Variants in CFAP65 observed in about 807,000 individuals in gnomAD.
CFAP65 encodes the protein cilia and flagella associated protein 65, also known as cilia- and flagella-associated protein 65.
Under a neutral mutation model 208.0 loss-of-function variants are expected in CFAP65, and 155 were observed. The ratio of observed to expected loss-of-function variants is 0.75; its 90% CI spans 0.65 to 0.85. The LOEUF (loss-of-function observed/expected upper bound fraction) is 0.85, where lower values mean the gene tolerates loss of function less well. Among genes scored for constraint, CFAP65 ranks in the 40% least tolerant of loss-of-function variants. CFAP65 has a pLI of 0.00. For synonymous variants in CFAP65, 970 were observed against 986.3 expected, an observed-to-expected ratio of 0.98 and a Z score of 0.31; for missense variants, 2,294 against 2,451.3, an observed-to-expected ratio of 0.94 and a Z score of 1.36.
At chr2:219,013,235 A>C in intron 24 of CFAP65, 24 bp downstream of exon 24, 1 of 1,517,644 alleles carries the variant, frequency 6.6e-7, no homozygotes, top group Non-Finnish European at 9.1e-7. Flanking sequence ...CTTCTTGGTC[A>C]ACAGGACAAT....
intron 5 of CFAP65, 139 bp downstream of exon 5, chr2:219,035,341 C>G (rs1167941857): frequency 6.4e-7 from 1 of 1,562,308 alleles, no homozygotes; most frequent in Non-Finnish European, 8.7e-7. Context: ...ATTATTCATA[C>G]TGCACGTATT....
rs866985922 is a variant in CFAP65, at chr2:219,004,957, T to C, written c.5051+477A>G. Among the ~76,000 whole-genome samples, 3 of 144,102 alleles carry C rather than the reference T, an allele frequency of 2.1e-5. No individual in the cohort carries two copies. Among genetic ancestry groups the C allele is most frequent in the South Asian group, 2.1e-4 (1 of 4,688 alleles). The allele number at this position is 144,102 out of a possible 152,430, so 94.5% of individuals were successfully genotyped here. A position where few individuals can be genotyped will look rare whatever the true frequency, so the allele number is the denominator to read the frequency against. The stretch of plus-strand genomic sequence containing the variant: ...CTTTTTTCTTTCTTTCTTTCTTTCT[T>C]TCTCTCTCTTTCTTTCTTTCTCTCT... On this transcript the variant is annotated intron_variant, in intron 32 of 34. Transcript: ENST00000341552. The surrounding 1 kb of genome is among the most constrained non-coding windows in gnomAD (Gnocchi z 4.7).
chr2:219,021,327 C>G, intron 18 of CFAP65, 47 bp from the exon 19 acceptor site: 1 of 1,508,324 alleles, frequency 6.6e-7, no homozygotes, highest in Non-Finnish European at 8.9e-7. Flanking sequence ...GGAGGCCCAG[C>G]CATTCCTCCT....
chr2:219,003,009 C>A lies in CFAP65; in HGVS notation c.5706G>T (p.Pro1902=), dbSNP rs1201173692. 1.4e-5 allele frequency: 22 copies of A among 1,558,288 alleles called. No individual in the cohort carries two copies. Among genetic ancestry groups the A allele is most frequent in the Non-Finnish European group, 1.8e-5 (21 of 1,150,354 alleles). ...CTTGCTGCGTCGGCAGCAGCGTGTC[C>A]GGGGTCAGACTCCTGGAAGACAAAA... is the stretch of plus-strand genomic sequence containing the variant. The part of the protein sequence containing the change: ...PPFCVPRSLT[P]DTLLPTQQAE... Residue 1902 remains proline (P), a synonymous_variant, in exon 35 of 35, where the codon CCG becomes CCT. Coordinates refer to ENST00000341552, the MANE Select transcript of CFAP65 (RefSeq NM_194302.4). This position sits in a 1 kb window ranked among gnomAD's most constrained non-coding sequence, Gnocchi z 4.4.
chr2:219,011,270 C>CTTTTTTTTTTT (rs528817484), intron 24 of CFAP65, among the ~76,000 whole-genome samples: 119 of 107,088 alleles, frequency 1.1e-3, no homozygotes, highest in Non-Finnish European at 1.4e-3. Flanking sequence ...CTTTTTCTTT[C>CTTTTTTTTTTT]TTTTTTTTTT....
chr2:219,020,018 T>G (rs1947173428), intron 19 of CFAP65, among the ~76,000 whole-genome samples: 1 of 151,994 alleles, frequency 6.6e-6, no homozygotes, highest in African/African-American at 2.4e-5. Context: ...ATATACTGGG[T>G]AATTTACCCT....
At chr2:219,028,031 G>A in intron 12 of CFAP65, 22 bp from the exon 13 acceptor site, 1 of 1,519,992 alleles carries the variant, frequency 6.6e-7, no homozygotes, top group Admixed American at 2.2e-5. Context: ...AAGACAGGTG[G>A]ATAGGGCTCA....
At chr2:219,024,572 G>A (rs1292411400) in intron 14 of CFAP65, among the ~76,000 whole-genome samples, 1 of 152,162 alleles carries the variant, frequency 6.6e-6, no homozygotes, top group Non-Finnish European at 1.5e-5. Flanking sequence ...TCATTTTAGG[G>A]TGTCTTTGCA....
intron 31 of CFAP65, among the ~76,000 whole-genome samples, chr2:219,005,766 T>C (rs901501919): frequency 2.0e-5 from 3 of 151,952 alleles, no homozygotes; most frequent in African/African-American, 7.3e-5. Flanking sequence ...AGACTCCCAG[T>C]TGGAAAAAGA....
chr2:219,005,212 G>T (rs566055134), intron 32 of CFAP65, among the ~76,000 whole-genome samples: 1 of 152,180 alleles, frequency 6.6e-6, no homozygotes, highest in African/African-American at 2.4e-5. Flanking sequence ...TTTTTGTAGA[G>T]ATGGGGTCTT....
chr2:219,021,450 C>T (rs1016532924), intron 18 of CFAP65, among the ~76,000 whole-genome samples, 170 bp from the exon 19 acceptor site: 2 of 152,178 alleles, frequency 1.3e-5, no homozygotes, highest in African/African-American at 4.8e-5. Context: ...CCACACCTAA[C>T]TTTGTGTCAT....
intron 14 of CFAP65, among the ~76,000 whole-genome samples, chr2:219,025,751 A>G (rs768308047): frequency 1.3e-5 from 2 of 152,166 alleles, no homozygotes; most frequent in Non-Finnish European, 2.9e-5. Flanking sequence ...TTTGAACCTG[A>G]GAGTCATAGG....
rs1313629975 is a variant in CFAP65, at chr2:219,035,156, C to T, written c.542+324G>A. ...CAAAATCACGTGAGCCTTCATAGTA[C>T]CTGGTATTCCCCAGAAAAACTCTTG... On this transcript the variant is annotated intron_variant, in intron 5 of 34. Transcript: ENST00000341552. 3.2e-5 allele frequency: 19 copies of T among 592,088 alleles called. No individual in the cohort carries two copies. In the South Asian group the frequency reaches 4.9e-4, roughly 15 times the overall value. The allele number at this position is 592,088 out of a possible 1,614,324, so 36.7% of individuals were successfully genotyped here. A position where few individuals can be genotyped will look rare whatever the true frequency, so the allele number is the denominator to read the frequency against.
Position 219,031,787 on chromosome 2 carries a change from C to T in CFAP65, c.646-129G>A. ...GCCAGGCCGTGGCACCCACGTCAGA[C>T]TCTGAGGGGAGCTGGGCACCTATGT... On this transcript the variant is annotated intron_variant, in intron 6 of 34. Coordinates refer to ENST00000341552, the MANE Select transcript of CFAP65 (RefSeq NM_194302.4). This position sits in a 1 kb window ranked among gnomAD's most constrained non-coding sequence, Gnocchi z 5.2. 1 of 1,064,648 alleles carries T rather than the reference C, an allele frequency of 9.4e-7. No individual in the cohort carries two copies. Among genetic ancestry groups the T allele is most frequent in the Non-Finnish European group, 1.4e-6 (1 of 740,424 alleles). The allele number at this position is 1,064,648 out of a possible 1,614,324, so 66.0% of individuals were successfully genotyped here.
chr2:219,032,557 C>G lies in CFAP65; in HGVS notation c.558G>C (p.Lys186Asn), dbSNP rs1207919388. 1.9e-6 allele frequency: 3 copies of G among 1,601,414 alleles called. No homozygotes were observed. In the African/African-American group the frequency reaches 4.0e-5, roughly 21 times the overall value. Residue 186 changes from lysine to asparagine, a missense_variant, in exon 6 of 35, where the codon AAG (lysine) becomes AAC (asparagine). Transcript: ENST00000341552. The surrounding 1 kb of genome is among the most constrained non-coding windows in gnomAD (Gnocchi z 5.5). ...GCTGAGGGATGACCGTGAAGAAGAA[C>G]TTGGTCTTGGGGGGCCTGCAGGAGA... is the stretch of plus-strand genomic sequence containing the variant. The part of the protein sequence containing the change: ...QKMKYRPPKT[K>N]FFFTVIPQPI...
At chr2:219,023,916 G>T in intron 15 of CFAP65, 99 bp downstream of exon 15, 1 of 1,441,894 alleles carries the variant, frequency 6.9e-7, no homozygotes. Flanking sequence ...TGGCCCCCTG[G>T]AAATCTTAGG....
At chr2:219,007,946 G>A (rs1042254571) in intron 29 of CFAP65, among the ~76,000 whole-genome samples, 1 of 151,860 alleles carries the variant, frequency 6.6e-6, no homozygotes, top group Admixed American at 6.6e-5. Context: ...AGCCTCCCAA[G>A]TAGCTGGGAT....
At chr2:219,040,402 T>C (rs1948597346) in intron 2 of CFAP65, 117 bp downstream of exon 2, 1 of 670,694 alleles carries the variant, frequency 1.5e-6, no homozygotes, top group South Asian at 1.6e-5. Context: ...GTTGGCAACA[T>C]GTCTAAACCC....
At position 219,031,097 on chromosome 2, in the gene CFAP65, G is replaced by A; in HGVS notation, c.1015+9C>T. 2 of 1,575,084 alleles carry A rather than the reference G, an allele frequency of 1.3e-6. No individual in the cohort carries two copies. The highest frequency in any genetic ancestry group is 1.7e-6 in the Non-Finnish European group (2 of 1,160,100). On this transcript the variant is annotated intron_variant, in intron 8 of 34. Transcript: ENST00000341552. This position sits in a 1 kb window ranked among gnomAD's most constrained non-coding sequence, Gnocchi z 5.2. Reference sequence around the variant, plus strand: ...GCCAGTCTGGGGACGGTGGGAGGTTGGGCCTCACCCACAGCCTGCAGCTGG... The same window carrying A: ...GCCAGTCTGGGGACGGTGGGAGGTTAGGCCTCACCCACAGCCTGCAGCTGG...
Sources: gnomAD v4.1 joint callset for allele counts (sites outside exome capture counted in the v4.1 genomes callset) on GRCh38, gnomAD v4.1.1 for gene constraint, Gnocchi (gnomAD v3.1) non-coding constraint, MANE v1.5 for transcripts, NCBI Gene and HGNC (gene_info 2026-07-23, HGNC 2026-07-21) for gene names.